RAD54B: variants seen among roughly 807,000 people sequenced by gnomAD.
RAD54B encodes the protein RAD54 homolog B, also known as DNA repair and recombination protein RAD54B.
In RAD54B, 78 loss-of-function variants were observed where a neutral mutation model predicts 95.8. The ratio of observed to expected loss-of-function variants is 0.81; its 90% CI spans 0.68 to 0.98. The LOEUF is 0.98. Ranked by LOEUF, RAD54B falls within the 50% of genes least tolerant of loss-of-function variation. The pLI is 0.00. For synonymous variants in RAD54B, 328 were observed against 354.9 expected (o/e 0.92, Z 0.85); for missense variants, 957 against 1,056.6 (o/e 0.91, Z 1.31).
intron 11 of RAD54B, among the ~76,000 whole-genome samples, chr8:94,382,038 T>C (rs1012322478): frequency 9.0e-5 from 13 of 144,772 alleles, no homozygotes; most frequent in African/African-American, 2.8e-4. Context: ...GGCGTGAACC[T>C]GGGAGGCGGA....
chr8:94,414,580 A>G (rs1284474961), intron 3 of RAD54B, among the ~76,000 whole-genome samples: 1 of 152,180 alleles, frequency 6.6e-6, no homozygotes, highest in African/African-American at 2.4e-5. Flanking sequence ...ATCTATTGAG[A>G]TAATCATGTG....
At chr8:94,424,032 A>AT (rs1465649882) in intron 3 of RAD54B, among the ~76,000 whole-genome samples, 2 of 152,220 alleles carry the variant, frequency 1.3e-5, no homozygotes, top group Non-Finnish European at 2.9e-5. Flanking sequence ...GTCTAAGAGA[A>AT]TGGATGTTAT....
intron 3 of RAD54B, among the ~76,000 whole-genome samples, chr8:94,416,343 A>G (rs976748706): frequency 1.3e-5 from 2 of 151,992 alleles, no homozygotes; most frequent in African/African-American, 4.8e-5. Flanking sequence ...AGGAAGGGGA[A>G]CATCACACTC....
chr8:94,415,882 G>A (rs892240051), intron 3 of RAD54B, among the ~76,000 whole-genome samples: 12 of 152,144 alleles, frequency 7.9e-5, no homozygotes, highest in African/African-American at 2.9e-4. Context: ...GTGCTGGAGA[G>A]GATGTGGAGA....
intron 3 of RAD54B, among the ~76,000 whole-genome samples, chr8:94,421,089 C>T (rs979746642): frequency 1.3e-5 from 2 of 152,068 alleles, no homozygotes; most frequent in African/African-American, 2.4e-5. Context: ...GCCTCTGCTT[C>T]TTCAAATTCC....
At chr8:94,429,999 A>G in intron 3 of RAD54B, 3 of 985,376 alleles carry the variant, frequency 3.0e-6, no homozygotes, top group Non-Finnish European at 3.6e-6. Context: ...TTCTCATTGT[A>G]CGTTAAGTCT....
chr8:94,380,669 C>A (rs561923209), intron 11 of RAD54B, among the ~76,000 whole-genome samples: 31 of 152,210 alleles, frequency 2.0e-4, no homozygotes, highest in African/African-American at 7.5e-4. Context: ...AGAGAATGAG[C>A]AAAATACAAA....
At chr8:94,463,893 CAA>C (rs553168595) in intron 2 of RAD54B, among the ~76,000 whole-genome samples, 29,282 of 90,250 alleles carry the variant, frequency 0.32, 3,407 homozygotes, top group East Asian at 0.44. Context: ...GACCCTATCT[CAA>C]AAAAAAAAAA....
intron 2 of RAD54B, among the ~76,000 whole-genome samples, chr8:94,463,099 C>A (rs1812944624): frequency 6.6e-6 from 1 of 151,870 alleles, no homozygotes; most frequent in Admixed American, 6.6e-5. Flanking sequence ...TTGCTTGAAC[C>A]CAGGAGGCAG....
intron 11 of RAD54B, 84 bp from the exon 12 acceptor site, chr8:94,380,490 A>T: frequency 7.7e-7 from 1 of 1,304,242 alleles, no homozygotes; most frequent in Non-Finnish European, 1.0e-6. Context: ...CCACAATAAT[A>T]TTATCACTGA....
At chr8:94,458,855 AG>A (rs1473717647) in intron 2 of RAD54B, among the ~76,000 whole-genome samples, 3 of 152,078 alleles carry the variant, frequency 2.0e-5, no homozygotes, top group Non-Finnish European at 4.4e-5. Context: ...CAACAGAGTG[AG>A]ACTCCATCTA....
chr8:94,392,272 T>C (rs1014793912), intron 9 of RAD54B, among the ~76,000 whole-genome samples: 2 of 152,334 alleles, frequency 1.3e-5, no homozygotes, highest in Admixed American at 6.5e-5. Context: ...TTTGTTGTTG[T>C]TGTTTTTGAG....
At chr8:94,471,646 T>C (rs1359547488) in intron 1 of RAD54B, among the ~76,000 whole-genome samples, 2 of 152,070 alleles carry the variant, frequency 1.3e-5, no homozygotes, top group Non-Finnish European at 2.9e-5. Flanking sequence ...GAAAAATACA[T>C]GCCACAACAT....
intron 5 of RAD54B, 125 bp downstream of exon 5, chr8:94,407,314 T>C (rs1811414857): frequency 3.3e-6 from 3 of 898,470 alleles, no homozygotes; most frequent in South Asian, 1.9e-5. Flanking sequence ...TGTCAGATTA[T>C]ATATCTCAAG....
At chr8:94,428,875 T>C (rs765340750) in intron 3 of RAD54B, 59 of 985,292 alleles carry the variant, frequency 6.0e-5, no homozygotes, top group Non-Finnish European at 7.0e-5. Flanking sequence ...AAAAAAGGTT[T>C]GGTTCCAAAT....
At chr8:94,383,874 A>T (rs1441077283) in intron 11 of RAD54B, among the ~76,000 whole-genome samples, 1 of 152,240 alleles carries the variant, frequency 6.6e-6, no homozygotes, top group Non-Finnish European at 1.5e-5. Context: ...AATAGAAAGT[A>T]ACAAAGTTGG....
At chr8:94,469,316 C>A (rs1041528013) in intron 1 of RAD54B, among the ~76,000 whole-genome samples, 1 of 152,174 alleles carries the variant, frequency 6.6e-6, no homozygotes, top group Admixed American at 6.5e-5. Flanking sequence ...CTCACGAGAT[C>A]CGATGGTTTT....
Position 94,378,364 on chromosome 8 carries a change from C to T in RAD54B, c.2331G>A (p.Lys777=). The T allele has an allele frequency of 6.2e-7, 1 of 1,613,086 alleles. No homozygotes were observed. Among genetic ancestry groups the T allele is most frequent in the Non-Finnish European group, 8.5e-7 (1 of 1,179,548 alleles). The change falls in exon 14 of 15, where the codon AAG becomes AAA. Residue 777 remains lysine (K), a synonymous_variant. Transcript: ENST00000336148. ...GCTTACTGATCTGCCTTTGATAGAT[C>T]TTTTCTTCTATTGTACCTAAAGAGA... ...RLLTTGTIEE[K]IYQRQISKQG...
intron 3 of RAD54B, chr8:94,436,830 G>A (rs760014065): frequency 2.7e-5 from 42 of 1,544,124 alleles, no homozygotes; most frequent in Admixed American, 4.0e-5. Flanking sequence ...CAAGCTTTTC[G>A]GATAAGGTAA....
Sources: allele counts gnomAD v4.1 joint callset (sites outside exome capture counted in the v4.1 genomes callset), GRCh38; gene constraint gnomAD v4.1.1; transcripts MANE v1.5; gene names NCBI Gene and HGNC (gene_info 2026-07-23, HGNC 2026-07-21).